The following FRMD5 variants were observed in gnomAD, a reference collection of about 807,000 sequenced individuals.
The protein encoded by FRMD5 is FERM domain-containing protein 5.
FRMD5 carries 20 observed loss-of-function variants against 69.0 expected under a neutral mutation model. That is an observed-to-expected ratio of 0.29 (90% CI 0.20 to 0.42). The LOEUF is 0.42. Ranked by LOEUF, FRMD5 falls within the 10% of genes least tolerant of loss-of-function variation. The pLI, the probability that FRMD5 is intolerant of heterozygous loss-of-function variation, is 1.00. For missense variants in FRMD5, 595 were observed against 708.6 expected, an observed-to-expected ratio of 0.84 and a Z score of 1.82; for synonymous variants, 271 against 260.1, an observed-to-expected ratio of 1.04 and a Z score of -0.40.
chr15:43,931,474 T>C (rs1229813342), intron 1 of FRMD5, among the ~76,000 whole-genome samples: 2 of 152,164 alleles, frequency 1.3e-5, no homozygotes, highest in African/African-American at 4.8e-5. Flanking sequence ...GCACTTCTCA[T>C]ACAACGCTGC....
At chr15:43,933,684 T>C (rs1300621694) in intron 1 of FRMD5, among the ~76,000 whole-genome samples, 1 of 152,250 alleles carries the variant, frequency 6.6e-6, no homozygotes, top group Admixed American at 6.5e-5. Context: ...CATTAGACTG[T>C]GAGTTAAATA....
At chr15:43,969,542 C>T (rs1222213288) in intron 1 of FRMD5, among the ~76,000 whole-genome samples, 1 of 152,152 alleles carries the variant, frequency 6.6e-6, no homozygotes, top group Middle Eastern at 3.2e-3. Flanking sequence ...TGGTCCCTCT[C>T]CCATGGGTGG....
intron 1 of FRMD5, among the ~76,000 whole-genome samples, chr15:44,188,286 G>C (rs2078136604): frequency 6.6e-6 from 1 of 152,150 alleles, no homozygotes; most frequent in Non-Finnish European, 1.5e-5. Flanking sequence ...ATGCATATCT[G>C]TAGACAACCT....
At chr15:43,878,087 C>T (rs181611393) in intron 13 of FRMD5, among the ~76,000 whole-genome samples, 17 of 152,248 alleles carry the variant, frequency 1.1e-4, no homozygotes, top group African/African-American at 3.9e-4. Context: ...ACTGCAGCCT[C>T]GACCTCCCAG....
At chr15:43,990,484 CAATAGA>C (rs1323016876) in intron 1 of FRMD5, among the ~76,000 whole-genome samples, 3 of 151,940 alleles carry the variant, frequency 2.0e-5, no homozygotes, top group African/African-American at 7.3e-5. Flanking sequence ...CATTTATAAC[CAATAGA>C]AATAGAGTTT....
chr15:43,962,494 G>T (rs1490265566), intron 1 of FRMD5, among the ~76,000 whole-genome samples: 1 of 152,030 alleles, frequency 6.6e-6, no homozygotes, highest in South Asian at 2.1e-4. Flanking sequence ...GGTAATTTAT[G>T]GATTCAATGC....
At chr15:43,906,388 T>G (rs1011594716) in intron 5 of FRMD5, among the ~76,000 whole-genome samples, 1 of 152,150 alleles carries the variant, frequency 6.6e-6, no homozygotes, top group Non-Finnish European at 1.5e-5. Flanking sequence ...AAATCCTAGT[T>G]TGAGGATGTT....
chr15:44,119,885 CAG>C (rs2076922443), intron 1 of FRMD5, among the ~76,000 whole-genome samples: 2 of 61,872 alleles, frequency 3.2e-5, no homozygotes, highest in Non-Finnish European at 7.7e-5. Flanking sequence ...ACCTAACATA[CAG>C]TGAGTGGTAA....
At chr15:43,878,128 G>A (rs1567204359) in intron 13 of FRMD5, among the ~76,000 whole-genome samples, 1 of 152,096 alleles carries the variant, frequency 6.6e-6, no homozygotes, top group Non-Finnish European at 1.5e-5. Flanking sequence ...TCAGCCTCCT[G>A]AGTAGCTGGG....
Position 44,165,966 on chromosome 15 carries a change from G to A in FRMD5, c.102+28987C>T, listed in dbSNP as rs145670282. The stretch of plus-strand genomic sequence containing the variant: ...TCACTATTATAAATAATTTTCTAAT[G>A]AACATCTTGGTATAAAAATTATTTT... On this transcript the variant is annotated intron_variant, in intron 1 of 13. Transcript: ENST00000417257. Among the ~76,000 whole-genome samples the A allele has an allele frequency of 3.9e-3, 600 of 152,044 alleles. 5 individuals are homozygous for A. Among genetic ancestry groups the A allele is most frequent in the African/African-American group, 0.014 (561 of 41,452 alleles).
intron 1 of FRMD5, among the ~76,000 whole-genome samples, chr15:43,998,309 A>T (rs569097382): frequency 6.6e-6 from 1 of 152,342 alleles, no homozygotes; most frequent in African/African-American, 2.4e-5. Context: ...GGTAGGAATG[A>T]GTGACATATC....
intron 1 of FRMD5, among the ~76,000 whole-genome samples, chr15:43,991,994 G>T (rs1889706602): frequency 6.6e-6 from 1 of 152,138 alleles, no homozygotes; most frequent in African/African-American, 2.4e-5. Context: ...GAGAGAAACA[G>T]AAACTCTTTA....
At chr15:44,115,393 A>C (rs1167332200) in intron 1 of FRMD5, among the ~76,000 whole-genome samples, 7 of 152,206 alleles carry the variant, frequency 4.6e-5, no homozygotes, top group African/African-American at 1.4e-4. Context: ...TCTTGGATCA[A>C]CTTGCAAAAT....
chr15:44,132,346 T>G (rs534810468), intron 1 of FRMD5, among the ~76,000 whole-genome samples: 1 of 152,254 alleles, frequency 6.6e-6, no homozygotes, highest in African/African-American at 2.4e-5. Flanking sequence ...ACCTCTGATG[T>G]AATGGGTATA....
At chr15:43,981,322 A>C (rs2090545731) in intron 1 of FRMD5, among the ~76,000 whole-genome samples, 1 of 152,028 alleles carries the variant, frequency 6.6e-6, no homozygotes, top group Non-Finnish European at 1.5e-5. Flanking sequence ...AGAAAAAAAA[A>C]TTATTAAGAA....
Position 44,081,802 on chromosome 15 carries a change from G to A in FRMD5, c.102+113151C>T, listed in dbSNP as rs1595702405. ...CATTTTTGTGGCTAATGTAAATTGC[G>A]ACATAACCAGTGAAAGTTTCTAATA... On this transcript the variant is annotated intron_variant, in intron 1 of 13. Coordinates refer to ENST00000417257, the MANE Select transcript of FRMD5 (RefSeq NM_032892.5). 2.0e-5 allele frequency among the ~76,000 whole-genome samples: 3 copies of A among 151,792 alleles called. No individual in the cohort carries two copies. The South Asian group carries it at 6.2e-4, about 31-fold the overall frequency.
chr15:43,973,367 TG>T (rs1292890440), intron 1 of FRMD5, among the ~76,000 whole-genome samples: 28 of 150,430 alleles, frequency 1.9e-4, no homozygotes, highest in South Asian at 1.3e-3. Context: ...CTAATGCTAA[TG>T]TTTTTTTTTT....
chr15:43,959,513 G>C (rs905085140), intron 1 of FRMD5, among the ~76,000 whole-genome samples: 1 of 152,140 alleles, frequency 6.6e-6, no homozygotes, highest in African/African-American at 2.4e-5. Context: ...GATTTTAATA[G>C]CTGCAACTAT....
At chr15:44,077,843 C>T (rs1465050260) in intron 1 of FRMD5, among the ~76,000 whole-genome samples, 1 of 152,062 alleles carries the variant, frequency 6.6e-6, no homozygotes, top group East Asian at 1.9e-4. Context: ...TGCTAGATTA[C>T]ATGAAGCTCA....
Sources: allele counts gnomAD v4.1 joint callset (sites outside exome capture counted in the v4.1 genomes callset), GRCh38; gene constraint gnomAD v4.1.1; transcripts MANE v1.5; gene names NCBI Gene and HGNC (gene_info 2026-07-23, HGNC 2026-07-21).